The following CATSPERE variants were observed in gnomAD, a reference collection of about 807,000 sequenced individuals.
CATSPERE encodes the protein cation channel sperm-associated auxiliary subunit epsilon.
A neutral mutation model predicts 114.1 loss-of-function variants in CATSPERE; 93 were observed. That is an observed-to-expected ratio of 0.81 (90% CI 0.69 to 0.97). CATSPERE has a LOEUF of 0.97. CATSPERE is among the 50% of genes least tolerant of loss of function. CATSPERE has a pLI of 0.00. For synonymous variants in CATSPERE, 341 were observed against 384.1 expected (o/e 0.89, Z 1.31); for missense variants, 1,058 against 1,131.6 (o/e 0.93, Z 0.93).
At chr1:244,635,157 A>G (rs1308834669) in intron 20 of CATSPERE, among the ~76,000 whole-genome samples, 5 of 152,292 alleles carry the variant, frequency 3.3e-5, no homozygotes, top group East Asian at 1.9e-4. Flanking sequence ...TTCATTTTCA[A>G]TAAGTATTAA....
chr1:244,527,060 G>C (rs1475453895), intron 8 of CATSPERE, among the ~76,000 whole-genome samples: 1 of 152,096 alleles, frequency 6.6e-6, no homozygotes, highest in African/African-American at 2.4e-5. Context: ...ACAGGACCGG[G>C]GCAAAATTAA....
chr1:244,552,363 T>C lies in CATSPERE; in HGVS notation c.578T>C (p.Leu193Pro). The change falls in exon 9 of 22, where the codon CTA becomes CCA. Residue 193 changes from leucine (L) to proline (P), a missense_variant. Leu to Pro is a moderately conservative substitution (Grantham distance 98). This residue lies in a region of CATSPERE where 787 missense variants were observed against 905.6 expected (regional missense o/e 0.87). Transcript: ENST00000366534. ...GTACCAATGACAAAAGATGATGCAC[T>C]AAAGGAGATTAGAGGAAACCAAGTT... ...IVVPMTKDDA[L>P]KEIRGNQVTF... 6.2e-7 allele frequency: 1 copy of C among 1,613,836 alleles called. No individual in the cohort carries two copies. Among genetic ancestry groups the C allele is most frequent in the African/African-American group, 1.3e-5 (1 of 75,052 alleles).
intron 13 of CATSPERE, among the ~76,000 whole-genome samples, chr1:244,587,303 G>A (rs1247758182): frequency 2.0e-5 from 3 of 152,192 alleles, no homozygotes; most frequent in Non-Finnish European, 2.9e-5. Context: ...TGCTACTAAC[G>A]GTAGAGGTAC....
At chr1:244,615,510 C>G (rs1409561038) in intron 19 of CATSPERE, among the ~76,000 whole-genome samples, 2 of 151,132 alleles carry the variant, frequency 1.3e-5, no homozygotes, top group Non-Finnish European at 2.9e-5. Context: ...GATAACTAGG[C>G]GATATGATAG....
chr1:244,617,909 G>T (rs958983584), intron 20 of CATSPERE, among the ~76,000 whole-genome samples: 12 of 152,006 alleles, frequency 7.9e-5, no homozygotes, highest in African/African-American at 2.9e-4. Context: ...GACTTTCCTG[G>T]GTTCAGTTGC....
chr1:244,468,165 TC>T (rs1417009229), intron 2 of CATSPERE, among the ~76,000 whole-genome samples: 4 of 151,922 alleles, frequency 2.6e-5, no homozygotes, highest in Non-Finnish European at 5.9e-5. Context: ...CAATCTTGGC[TC>T]ACTGCAACCT....
In CATSPERE at chr1:244,546,452, T is replaced by C. The variant is rs74153726; in HGVS notation, c.537-5870T>C. Among the ~76,000 whole-genome samples the C allele has an allele frequency of 2.5e-3, 385 of 152,292 alleles. 2 individuals are homozygous for C. The highest frequency in any genetic ancestry group is 8.9e-3 in the African/African-American group (370 of 41,570). On this transcript the variant is annotated intron_variant, in intron 8 of 21. Transcript: ENST00000366534. ...AAGATCAAGAAAAATCAGGGAAATA[T>C]GGTGTCCCCAAATGGACAAAATAAA...
At chr1:244,494,226 G>T (rs1672712817) in intron 6 of CATSPERE, among the ~76,000 whole-genome samples, 1 of 151,988 alleles carries the variant, frequency 6.6e-6, no homozygotes. Flanking sequence ...CAATAGACTG[G>T]ATTAAGAAAA....
chr1:244,560,569 A>T (rs554591846), intron 9 of CATSPERE, 99 bp from the exon 10 acceptor site: 84 of 688,580 alleles, frequency 1.2e-4, no homozygotes, highest in East Asian at 5.0e-4. Flanking sequence ...AAGAAAATTT[A>T]AAAAAATAAA....
intron 4 of CATSPERE, 57 bp from the exon 5 acceptor site, chr1:244,479,660 A>G (rs1669944374): frequency 4.7e-6 from 5 of 1,072,782 alleles, no homozygotes; most frequent in Admixed American, 1.8e-5. Flanking sequence ...GGCTATATCC[A>G]TATTTGCATT....
At chr1:244,463,997 AT>A in intron 2 of CATSPERE, 41 bp downstream of exon 2, 1 of 1,435,878 alleles carries the variant, frequency 7.0e-7, no homozygotes, top group African/African-American at 1.4e-5. Context: ...TAAATATTAA[AT>A]TTTTTGAACT....
In CATSPERE at chr1:244,519,494, G is replaced by A. The variant is rs191417005; in HGVS notation, c.536+796G>A. ...TGTGTGGAGTGTGCATGCTCTCCCC[G>A]TGTCTGCGTGGGTTTCCTCCAGGTA... On this transcript the variant is annotated intron_variant, in intron 8 of 21. Transcript: ENST00000366534. Among the ~76,000 whole-genome samples the A allele has an allele frequency of 1.2e-4, 19 of 152,248 alleles. No individual in the cohort carries two copies. In the East Asian group the frequency reaches 2.1e-3, roughly 17 times the overall value.
rs1333135583 is a variant in CATSPERE, at chr1:244,610,030, G to A, written c.2404-210G>A. 2.6e-5 allele frequency among the ~76,000 whole-genome samples: 4 copies of A among 152,306 alleles called. No homozygotes were observed. The East Asian group carries it at 7.7e-4, about 29-fold the overall frequency. On this transcript the variant is annotated intron_variant, in intron 18 of 21. Transcript: ENST00000366534. ...CCTGCACTGCAGCCTGGGCAACAGA[G>A]TGAGACTCTGTCTCAAAAAAAAATT...
chr1:244,503,610 T>G (rs903422624), intron 7 of CATSPERE, among the ~76,000 whole-genome samples: 3 of 152,228 alleles, frequency 2.0e-5, no homozygotes, highest in Non-Finnish European at 4.4e-5. Flanking sequence ...TTGTTTCTTT[T>G]GAGACGAGGT....
At chr1:244,526,428 A>G (rs1228126410) in intron 8 of CATSPERE, among the ~76,000 whole-genome samples, 2 of 151,956 alleles carry the variant, frequency 1.3e-5, no homozygotes, top group Non-Finnish European at 2.9e-5. Context: ...AAAAAAAGGA[A>G]AAGAAAATAA....
At chr1:244,620,790 A>G (rs1474372049) in intron 20 of CATSPERE, among the ~76,000 whole-genome samples, 4 of 151,276 alleles carry the variant, frequency 2.6e-5, no homozygotes, top group African/African-American at 9.7e-5. Context: ...ATTAGATCCT[A>G]TTGGAGTTCT....
chr1:244,487,286 T>C (rs1007424752), intron 5 of CATSPERE, among the ~76,000 whole-genome samples: 4 of 152,136 alleles, frequency 2.6e-5, no homozygotes, highest in Non-Finnish European at 5.9e-5. Context: ...CAGACCCTTC[T>C]AGTCACCTGG....
intron 7 of CATSPERE, among the ~76,000 whole-genome samples, chr1:244,511,069 C>A (rs971387930): frequency 6.6e-6 from 1 of 152,048 alleles, no homozygotes; most frequent in African/African-American, 2.4e-5. Context: ...CCTCGAACTC[C>A]TGACCTCAGG....
At chr1:244,523,309 G>A (rs1376963264) in intron 8 of CATSPERE, among the ~76,000 whole-genome samples, 2,117 of 129,654 alleles carry the variant, frequency 0.016, 51 homozygotes, top group African/African-American at 0.044. Context: ...AAAACTCTCA[G>A]TAAATTAGGT....
Sources: gnomAD v4.1 joint callset for allele counts (sites outside exome capture counted in the v4.1 genomes callset) on GRCh38, gnomAD v4.1.1 for gene constraint, gnomAD v4.1.1 regional missense constraint, MANE v1.5 for transcripts, NCBI Gene and HGNC (gene_info 2026-07-23, HGNC 2026-07-21) for gene names.